Variants in ATM observed in about 807,000 individuals in gnomAD.
The protein encoded by ATM is ATM serine/threonine kinase.
In ATM, 308 loss-of-function variants were observed where a neutral mutation model predicts 387.0. That is an observed-to-expected ratio of 0.80 (90% CI 0.73 to 0.87). ATM has a LOEUF of 0.87. Ranked by LOEUF, ATM falls within the 40% of genes least tolerant of loss-of-function variation. The pLI, the probability that ATM is intolerant of heterozygous loss-of-function variation, is 0.00. For missense variants in ATM, 3,312 were observed against 3,560.9 expected (o/e 0.93, Z 1.78); for synonymous variants, 1,156 against 1,187.3 (o/e 0.97, Z 0.54).
rs552945276 is a variant in ATM, at chr11:108,250,063, G to A, written c.1236-638G>A. Among the ~76,000 whole-genome samples the A allele has an allele frequency of 8.6e-5, 13 of 151,692 alleles. No individual in the cohort carries two copies. In the South Asian group the frequency reaches 2.7e-3, roughly 32 times the overall value. On this transcript the variant is annotated intron_variant, in intron 9 of 62. Coordinates refer to ENST00000675843, the MANE Select transcript of ATM (RefSeq NM_000051.4). ...GAAAAACAGTTTTTTGGGTTTCTTT[G>A]TTTTCCTGTTTTAGAGGAATCGTTT...
rs587779815 is a variant in ATM, at chr11:108,250,804, C to A, written c.1339C>A (p.Arg447=). 6.2e-7 allele frequency: 1 copy of A among 1,613,798 alleles called. No homozygotes were observed. Among genetic ancestry groups the A allele is most frequent in the Non-Finnish European group, 8.5e-7 (1 of 1,179,994 alleles). ...ACTATCTCAGCTTCTACCCCAACAG[C>A]GACATGGGGAACGTACACCATATGT... ...MILSQLLPQQ[R]HGERTPYVLR... The change falls in exon 10 of 63, where the codon CGA becomes AGA. Residue 447 remains arginine, a synonymous_variant. Transcript: ENST00000675843.
chr11:108,301,202 C>T (rs1591707110), intron 34 of ATM, among the ~76,000 whole-genome samples: 1 of 152,190 alleles, frequency 6.6e-6, no homozygotes, highest in South Asian at 2.1e-4. Context: ...AACAGATGCA[C>T]AGAAATATTA....
At position 108,365,814 on chromosome 11, in the gene ATM, C is replaced by T; in HGVS notation, c.*306C>T. The T allele has an allele frequency of 2.7e-6, 1 of 370,380 alleles. No homozygotes were observed. Among genetic ancestry groups the T allele is most frequent in the Non-Finnish European group, 5.1e-6 (1 of 197,152 alleles). The allele number at this position is 370,380 out of a possible 1,614,324, so 22.9% of individuals were successfully genotyped here. A position where few individuals can be genotyped will look rare whatever the true frequency, so the allele number is the denominator to read the frequency against. On this transcript the variant is annotated 3_prime_UTR_variant, in exon 63 of 63. Transcript: ENST00000675843. Reference sequence around the variant, plus strand: ...GGATCACAAGGTCAGGAGTTCGAGACCAGCCTGGCCAAGAGACCAGCCTGG... The same window carrying T: ...GGATCACAAGGTCAGGAGTTCGAGATCAGCCTGGCCAAGAGACCAGCCTGG...
intron 61 of ATM, among the ~76,000 whole-genome samples, chr11:108,364,598 G>A (rs1446744042): frequency 6.6e-6 from 1 of 152,184 alleles, no homozygotes; most frequent in East Asian, 1.9e-4. Flanking sequence ...GGAATAGGGT[G>A]GAGATCAGAA....
In ATM at chr11:108,368,833, A is replaced by G. The variant is rs886047630; in HGVS notation, c.*3325A>G. 4.9e-6 allele frequency: 1 copy of G among 203,266 alleles called. No individual in the cohort carries two copies. The highest frequency in any genetic ancestry group is 1.0e-5 in the Non-Finnish European group (1 of 99,012). The allele number at this position is 203,266 out of a possible 1,614,324, so 12.6% of individuals were successfully genotyped here. On this transcript the variant is annotated 3_prime_UTR_variant, in exon 63 of 63. Transcript: ENST00000675843. ...TATAGTATATGCCTAAAATGTATGC[A>G]CTTAGGAATGCTAAAAATTTAAATA...
At chr11:108,340,860 T>G (rs1385863925) in intron 56 of ATM, among the ~76,000 whole-genome samples, 2 of 152,228 alleles carry the variant, frequency 1.3e-5, no homozygotes, top group Non-Finnish European at 2.9e-5. Flanking sequence ...ATACCTTATA[T>G]AGTGTAAATG....
intron 44 of ATM, 72 bp from the exon 45 acceptor site, chr11:108,321,229 A>G (rs2085182672): frequency 1.3e-6 from 2 of 1,595,372 alleles, no homozygotes; most frequent in Admixed American, 3.4e-5. Context: ...CTCTTTAACA[A>G]CAAATTTAAA....
At chr11:108,264,401 T>G (rs528515742) in intron 16 of ATM, among the ~76,000 whole-genome samples, 1 of 152,296 alleles carries the variant, frequency 6.6e-6, no homozygotes, top group East Asian at 1.9e-4. Flanking sequence ...TCTCAATAGA[T>G]GCAGAAAAGG....
rs1064795170 is a variant in ATM at position 108,251,955 on chromosome 11, A to G, written c.1726A>G (p.Ile576Val). Residue 576 changes from isoleucine (I) to valine (V), a missense_variant, in exon 11 of 63, where the codon ATA becomes GTA. By Grantham distance (29) the Ile-to-Val change is conservative. Coordinates refer to ENST00000675843, the MANE Select transcript of ATM (RefSeq NM_000051.4). Reference protein sequence around the residue: ...VNRSFSLKESIMKWLLFYQLE... With the variant: ...VNRSFSLKESVMKWLLFYQLE... ...TAGAAGCTTTTCTTTAAAGGAATCAATAATGAAATGGCTCTTATTCTATCA... is the reference window on the plus strand; with the variant it reads ...TAGAAGCTTTTCTTTAAAGGAATCAGTAATGAAATGGCTCTTATTCTATCA... The G allele has an allele frequency of 6.2e-6, 10 of 1,613,792 alleles. No individual in the cohort carries two copies. The highest frequency in any genetic ancestry group is 4.2e-6 in the Non-Finnish European group (5 of 1,179,808).
intron 5 of ATM, among the ~76,000 whole-genome samples, chr11:108,243,409 T>C (rs1384164095): frequency 1.3e-5 from 2 of 152,076 alleles, no homozygotes; most frequent in Non-Finnish European, 2.9e-5. Context: ...GGCCAGGAGT[T>C]TGAGACCAGC....
At chr11:108,344,399 G>A (rs1433492506) in intron 57 of ATM, among the ~76,000 whole-genome samples, 1 of 152,144 alleles carries the variant, frequency 6.6e-6, no homozygotes, top group African/African-American at 2.4e-5. Context: ...ATAAGCATAG[G>A]CTTAGTGTTT....
At position 108,332,052 on chromosome 11, in the gene ATM, C is replaced by T. The variant is rs2086317486; in HGVS notation, c.7788+15C>T. The T allele has an allele frequency of 1.2e-6, 2 of 1,612,716 alleles. No homozygotes were observed. The highest frequency in any genetic ancestry group is 1.7e-6 in the Non-Finnish European group (2 of 1,179,170). On this transcript the variant is annotated intron_variant, in intron 52 of 62. Coordinates refer to ENST00000675843, the MANE Select transcript of ATM (RefSeq NM_000051.4). ...AGCTTGATGAGGTATTTGGATTAAA[C>T]ATACGTACCTTTTAGAAGTGTGATA...
chr11:108,303,103 C>A, intron 36 of ATM, 74 bp downstream of exon 36: 2 of 1,368,170 alleles, frequency 1.5e-6, no homozygotes, highest in Non-Finnish European at 2.1e-6. Context: ...TGATACTGCA[C>A]ATCATCTTCA....
intron 56 of ATM, among the ~76,000 whole-genome samples, chr11:108,337,504 A>G (rs1022333360): frequency 1.3e-5 from 2 of 152,200 alleles, no homozygotes; most frequent in Middle Eastern, 3.2e-3. Context: ...TCTGATCCCC[A>G]TTCTTAGAAT....
chr11:108,229,370 T>G, intron 4 of ATM, 47 bp downstream of exon 4: 1 of 1,481,142 alleles, frequency 6.8e-7, no homozygotes, highest in Admixed American at 2.2e-5. Context: ...CAGATTACTG[T>G]CGCGTGAGTT....
At chr11:108,308,077 G>T (rs2083833829) in intron 38 of ATM, 93 bp downstream of exon 38, 2 of 1,104,716 alleles carry the variant, frequency 1.8e-6, no homozygotes, top group Non-Finnish European at 1.3e-6. Context: ...TTAGGTGAAG[G>T]TGTTGCAAAG....
intron 7 of ATM, among the ~76,000 whole-genome samples, chr11:108,246,537 G>A (rs867424686): frequency 3.3e-5 from 5 of 152,308 alleles, no homozygotes; most frequent in Non-Finnish European, 7.3e-5. Context: ...ACTGGAATGT[G>A]TCTTGGGAAA....
At chr11:108,227,339 A>G (rs891952794) in intron 1 of ATM, 10 of 374,598 alleles carry the variant, frequency 2.7e-5, no homozygotes, top group African/African-American at 6.2e-5. Context: ...TAATCCTGCT[A>G]CTACTGCAAG....
rs1591587875 is a variant in ATM, at chr11:108,267,249, G to A, written c.2545G>A (p.Val849Met). 6.2e-7 allele frequency: 1 copy of A among 1,614,102 alleles called. No homozygotes were observed. Among genetic ancestry groups the A allele is most frequent in the African/African-American group, 1.3e-5 (1 of 75,044 alleles). The stretch of plus-strand genomic sequence containing the variant: ...TGATACTAATGGAAATCTAATGGAG[G>A]TGGAGGATCAGTCATCCATGAATCT... ...EDDTNGNLMEVEDQSSMNLFN... is the reference protein window; with the variant it reads ...EDDTNGNLMEMEDQSSMNLFN... Residue 849 changes from valine to methionine, a missense_variant, in exon 17 of 63, where the codon GTG becomes ATG. Coordinates refer to ENST00000675843, the MANE Select transcript of ATM (RefSeq NM_000051.4).
Sources: gnomAD v4.1 joint callset for allele counts (sites outside exome capture counted in the v4.1 genomes callset) on GRCh38, gnomAD v4.1.1 for gene constraint, MANE v1.5 for transcripts, NCBI Gene and HGNC (gene_info 2026-07-23, HGNC 2026-07-21) for gene names.